PRRG1: variants seen among roughly 807,000 people sequenced by gnomAD.
PRRG1 encodes the protein proline rich and Gla domain 1.
A neutral mutation model predicts 11.8 loss-of-function variants in PRRG1; 5 were observed. The ratio of observed to expected loss-of-function variants is 0.42; its 90% CI spans 0.22 to 0.89. The LOEUF is 0.89. PRRG1 is among the 40% of genes least tolerant of loss of function. The probability of loss-of-function intolerance (pLI) is 0.28; values close to 1 mark genes in which losing one functional copy is unlikely to be tolerated. For missense variants in PRRG1, 155 were observed against 166.1 expected (o/e 0.93, Z 0.37); for synonymous variants, 66 against 60.4 (o/e 1.09, Z -0.43).
intron 3 of PRRG1, among the ~76,000 whole-genome samples, chrX:37,439,153 A>G (rs1314409024): frequency 1.8e-5 from 2 of 112,089 alleles, no homozygotes; most frequent in African/African-American, 3.3e-5. Context: ...CTCCTAGTGA[A>G]CTACAACAAC....
intron 2 of PRRG1, among the ~76,000 whole-genome samples, chrX:37,407,655 T>A (rs922708768): frequency 2.0e-4 from 22 of 112,257 alleles, no homozygotes; most frequent in African/African-American, 7.1e-4. Context: ...ATAATACATG[T>A]AAAAGTGTTT....
At chrX:37,419,144 C>G (rs1209192921) in intron 2 of PRRG1, among the ~76,000 whole-genome samples, 1 of 112,245 alleles carries the variant, frequency 8.9e-6, no homozygotes, top group Non-Finnish European at 1.9e-5. Flanking sequence ...GCCACCCAAA[C>G]TATCAACCTA....
intron 1 of PRRG1, among the ~76,000 whole-genome samples, chrX:37,361,267 G>A (rs951211097): frequency 1.8e-5 from 2 of 109,825 alleles, no homozygotes; most frequent in African/African-American, 3.3e-5. Flanking sequence ...GCGTGAACCC[G>A]GGAGGCAGAG....
chrX:37,436,487 G>T (rs781811351), intron 3 of PRRG1, among the ~76,000 whole-genome samples: 1 of 112,210 alleles, frequency 8.9e-6, no homozygotes, highest in East Asian at 2.8e-4. Context: ...GCCCATGGCA[G>T]GAGGTGGCAT....
intron 3 of PRRG1, among the ~76,000 whole-genome samples, chrX:37,427,258 A>G (rs782640677): frequency 8.9e-6 from 1 of 112,269 alleles, no homozygotes; most frequent in Non-Finnish European, 1.9e-5. Context: ...ATACAAGTGA[A>G]TAATATTCTT....
chrX:37,419,678 A>G (rs1932602360), intron 2 of PRRG1, among the ~76,000 whole-genome samples: 1 of 111,541 alleles, frequency 9.0e-6, no homozygotes, highest in Non-Finnish European at 1.9e-5. Context: ...GATTATGTGC[A>G]AGATAACCTT....
chrX:37,409,071 C>G (rs1422079628), intron 2 of PRRG1, among the ~76,000 whole-genome samples: 1 of 111,334 alleles, frequency 9.0e-6, no homozygotes, highest in African/African-American at 3.3e-5. Context: ...TTGATGCCCC[C>G]AAAACTTAAC....
intron 2 of PRRG1, among the ~76,000 whole-genome samples, chrX:37,416,244 G>A (rs782457657): frequency 6.5e-4 from 73 of 111,919 alleles, no homozygotes; most frequent in African/African-American, 2.3e-3. Context: ...TGTAACATGT[G>A]TCCTACTAGG....
intron 1 of PRRG1, among the ~76,000 whole-genome samples, chrX:37,353,907 G>A (rs189112922): frequency 1.8e-5 from 2 of 112,693 alleles, no homozygotes; most frequent in Admixed American, 9.3e-5. Flanking sequence ...AGCTTATAAT[G>A]TCTAGCACAT....
chrX:37,404,273 C>T (rs1932121145), intron 1 of PRRG1, among the ~76,000 whole-genome samples: 1 of 111,870 alleles, frequency 8.9e-6, no homozygotes, highest in Admixed American at 9.5e-5. Context: ...TCTTTAAATC[C>T]CAATTTAGCT....
intron 1 of PRRG1, among the ~76,000 whole-genome samples, chrX:37,380,319 G>T (rs1430233013): frequency 1.8e-5 from 2 of 111,602 alleles, no homozygotes; most frequent in Admixed American, 1.9e-4. Flanking sequence ...TGCAAAAATG[G>T]GCATTTTAAT....
chrX:37,393,093 T>TC (rs1443359407), intron 1 of PRRG1, among the ~76,000 whole-genome samples: 1 of 111,189 alleles, frequency 9.0e-6, no homozygotes, highest in Non-Finnish European at 1.9e-5. Context: ...TATCCTTTGT[T>TC]CATTTGCATA....
chrX:37,350,211 G>A (rs1379350129), intron 1 of PRRG1, among the ~76,000 whole-genome samples: 1 of 112,312 alleles, frequency 8.9e-6, no homozygotes, highest in African/African-American at 3.2e-5. Flanking sequence ...TTTGGACTCT[G>A]GCTCCAGCCA....
chrX:37,371,265 G>A (rs1457005072), intron 1 of PRRG1, among the ~76,000 whole-genome samples: 1 of 112,024 alleles, frequency 8.9e-6, no homozygotes, highest in Non-Finnish European at 1.9e-5. Context: ...TGTCCTCTCT[G>A]CTGAGAGCTG....
intron 3 of PRRG1, among the ~76,000 whole-genome samples, chrX:37,428,699 C>A (rs782783210): frequency 3.5e-4 from 39 of 112,029 alleles, no homozygotes; most frequent in Non-Finnish European, 6.4e-4. Context: ...ATTCTGGGAT[C>A]TGGAGGATGG....
Position 37,452,463 on chromosome X carries a change from C to A in PRRG1, c.172-673C>A, listed in dbSNP as rs903635434. 1.2e-4 allele frequency among the ~76,000 whole-genome samples: 13 copies of A among 111,996 alleles called. 1 individual carries two copies. Among genetic ancestry groups the A allele is most frequent in the African/African-American group, 3.9e-4 (12 of 30,824 alleles). On this transcript the variant is annotated intron_variant, in intron 3 of 3. Transcript: ENST00000378628. Reference sequence around the variant, plus strand: ...CTCCTACATACGTTAAAGTCTTGAACTACTGGACTACTTTTCATTTGGGAT... The same window carrying A: ...CTCCTACATACGTTAAAGTCTTGAAATACTGGACTACTTTTCATTTGGGAT...
chrX:37,388,873 G>A (rs1020333639), intron 1 of PRRG1, among the ~76,000 whole-genome samples: 1 of 112,656 alleles, frequency 8.9e-6, no homozygotes, highest in Non-Finnish European at 1.9e-5. Flanking sequence ...AATTTTCCAA[G>A]CTTTTATGCT....
chrX:37,373,974 A>G (rs189252571), intron 1 of PRRG1, among the ~76,000 whole-genome samples: 74 of 111,679 alleles, frequency 6.6e-4, no homozygotes, highest in African/African-American at 2.3e-3. Flanking sequence ...TTGAGAGTTT[A>G]TCAGGAAACA....
chrX:37,365,992 C>G (rs1449196420), intron 1 of PRRG1, among the ~76,000 whole-genome samples: 1 of 112,341 alleles, frequency 8.9e-6, no homozygotes, highest in Admixed American at 9.4e-5. Context: ...GCTTACCCTA[C>G]TCCACTACCA....
Sources: allele counts gnomAD v4.1 joint callset (sites outside exome capture counted in the v4.1 genomes callset), GRCh38; gene constraint gnomAD v4.1.1; transcripts MANE v1.5; gene names NCBI Gene and HGNC (gene_info 2026-07-23, HGNC 2026-07-21).